MLC1: variants seen among roughly 807,000 people sequenced by gnomAD.
The protein encoded by MLC1 is modulator of VRAC current 1.
Under a neutral mutation model 44.7 loss-of-function variants are expected in MLC1, and 32 were observed. That is an observed-to-expected ratio of 0.72 (90% CI 0.54 to 0.96). The LOEUF (loss-of-function observed/expected upper bound fraction) is 0.96, where lower values mean the gene tolerates loss of function less well. Among genes scored for constraint, MLC1 ranks in the 40% least tolerant of loss-of-function variants. MLC1 has a pLI of 0.00. For synonymous variants in MLC1, 190 were observed against 213.0 expected (o/e 0.89, Z 0.94); for missense variants, 459 against 492.2 (o/e 0.93, Z 0.64).
intron 3 of MLC1, among the ~76,000 whole-genome samples, chr22:50,080,778 G>T: frequency 6.6e-6 from 1 of 151,992 alleles, no homozygotes; most frequent in East Asian, 1.9e-4. Flanking sequence ...GTTAATGAAG[G>T]CTCTTCTAGC....
chr22:50,080,035 G>T lies in MLC1; in HGVS notation c.322-16C>A. Reference sequence around the variant, plus strand: ...AGTTGGGAATCTGAAAAACAAGGCAGGAGGGGTTTTCCTTCTTTGAATAAT... The same window carrying T: ...AGTTGGGAATCTGAAAAACAAGGCATGAGGGGTTTTCCTTCTTTGAATAAT... On this transcript the variant is annotated splice_polypyrimidine_tract_variant and intron_variant, in intron 4 of 11. Coordinates refer to ENST00000311597, the MANE Select transcript of MLC1 (RefSeq NM_015166.4). The T allele has an allele frequency of 6.3e-7, 1 of 1,584,466 alleles. No homozygotes were observed. The highest frequency in any genetic ancestry group is 8.7e-7 in the Non-Finnish European group (1 of 1,152,970).
At chr22:50,067,615 C>A (rs575620872) in intron 10 of MLC1, among the ~76,000 whole-genome samples, 5 of 81,942 alleles carry the variant, frequency 6.1e-5, no homozygotes, top group Non-Finnish European at 1.2e-4. Context: ...TGACTCCATC[C>A]CCCATCAGTG....
At chr22:50,080,049 T>C (rs755431135) in intron 4 of MLC1, 30 bp from the exon 5 acceptor site, 2 of 1,526,134 alleles carry the variant, frequency 1.3e-6, no homozygotes, top group Admixed American at 1.7e-5. Context: ...GGGTTTTCCT[T>C]CTTTGAATAA....
chr22:50,082,113 G>C (rs1456992623), intron 3 of MLC1, among the ~76,000 whole-genome samples: 2 of 152,262 alleles, frequency 1.3e-5, no homozygotes, highest in Non-Finnish European at 2.9e-5. Flanking sequence ...GACCCAGCAG[G>C]CATGTGGAAG....
At chr22:50,068,763 T>C (rs1191260605) in intron 9 of MLC1, among the ~76,000 whole-genome samples, 2 of 147,022 alleles carry the variant, frequency 1.4e-5, no homozygotes, top group East Asian at 3.9e-4. Context: ...AGTCTCGCTG[T>C]GTCGCCAGGC....
chr22:50,064,755 G>A (rs1312055090), intron 10 of MLC1, among the ~76,000 whole-genome samples: 1 of 152,174 alleles, frequency 6.6e-6, no homozygotes, highest in Non-Finnish European at 1.5e-5. Flanking sequence ...CAGGGGGCCA[G>A]AGAGTGACCA....
chr22:50,082,029 G>C (rs2062154930), intron 3 of MLC1, among the ~76,000 whole-genome samples: 1 of 152,268 alleles, frequency 6.6e-6, no homozygotes, highest in South Asian at 2.1e-4. Context: ...CATCCACTTT[G>C]TTTTTAAGAC....
In MLC1 at chr22:50,083,301, C is replaced by A; in HGVS notation, c.178-128G>T. ...CCACGTCCCCCAGCATCAACCACAC[C>A]CGCACCTGGGACCCGCCCATCCTGG... On this transcript the variant is annotated intron_variant, in intron 2 of 11. Coordinates refer to ENST00000311597, the MANE Select transcript of MLC1 (RefSeq NM_015166.4). This position sits in a 1 kb window ranked among gnomAD's most constrained non-coding sequence, Gnocchi z 4.6. 2 of 838,786 alleles carry A rather than the reference C, an allele frequency of 2.4e-6. 1 individual carries two copies. Among genetic ancestry groups the A allele is most frequent in the South Asian group, 2.9e-5 (2 of 70,118 alleles). The allele number at this position is 838,786 out of a possible 1,614,324, so 52.0% of individuals were successfully genotyped here.
In MLC1 at chr22:50,083,901, C is replaced by T. The variant is rs1380456457; in HGVS notation, c.178-728G>A. On this transcript the variant is annotated intron_variant, in intron 2 of 11. Transcript: ENST00000311597. The surrounding 1 kb of genome is among the most constrained non-coding windows in gnomAD (Gnocchi z 4.6). ...GGGCACCAGGTGGAGGAGGGCAGAGCCCGGAGATGGCCACCACCACCCGGG... is the reference window on the plus strand; with the variant it reads ...GGGCACCAGGTGGAGGAGGGCAGAGTCCGGAGATGGCCACCACCACCCGGG... Among the ~76,000 whole-genome samples, 1 of 152,008 alleles carries T rather than the reference C, an allele frequency of 6.6e-6. No individual in the cohort carries two copies. The highest frequency in any genetic ancestry group is 6.6e-5 in the Admixed American group (1 of 15,266).
chr22:50,061,481 G>C lies in MLC1; in HGVS notation c.*102C>G. On this transcript the variant is annotated 3_prime_UTR_variant, in exon 12 of 12. Transcript: ENST00000311597. ...CAGCCTGGTTTGCCCTCACACAAGG[G>C]AAAAGAGGTGTTAGAAGCAGTAGCT... 7.8e-7 allele frequency: 1 copy of C among 1,284,628 alleles called. No individual in the cohort carries two copies. Among genetic ancestry groups the C allele is most frequent in the Non-Finnish European group, 1.1e-6 (1 of 890,960 alleles). The allele number at this position is 1,284,628 out of a possible 1,614,324, so 79.6% of individuals were successfully genotyped here.
rs2146880410 is a variant in MLC1 at position 50,076,889 on chromosome 22, G to A, written c.549C>T (p.Asn183=). The change falls in exon 7 of 12, where the codon AAC becomes AAT. Residue 183 remains asparagine (N), a synonymous_variant. Transcript: ENST00000311597. The part of the protein sequence containing the change: ...KKKGSMSDSA[N]ILDEVPFPAR... ...CAGGAAATGGCACTTCGTCCAGAAT[G>A]TTGGCGCTGTCAGACATGGAGCCCT... 1 of 1,613,976 alleles carries A rather than the reference G, an allele frequency of 6.2e-7. No homozygotes were observed. The highest frequency in any genetic ancestry group is 2.2e-5 in the East Asian group (1 of 44,880).
intron 6 of MLC1, 138 bp downstream of exon 6, chr22:50,077,263 C>T: frequency 1.2e-6 from 1 of 832,476 alleles, no homozygotes; most frequent in Non-Finnish European, 2.0e-6. Context: ...TTTCTGAGAC[C>T]CAGGAGAGAG....
rs1237561421 is a variant in MLC1, at chr22:50,080,280, G to A, written c.321+64C>T. On this transcript the variant is annotated intron_variant, in intron 4 of 11. Transcript: ENST00000311597. ...TGGGCACACACACAAGCACACATGG[G>A]CACACTGTCTGTCAGCCCCTCCGGC... 5.9e-6 allele frequency: 9 copies of A among 1,532,334 alleles called. 1 individual carries two copies. Among genetic ancestry groups the A allele is most frequent in the South Asian group, 3.5e-5 (3 of 84,700 alleles). The allele number at this position is 1,532,334 out of a possible 1,614,324, so 94.9% of individuals were successfully genotyped here.
At chr22:50,070,453 C>A (rs2061823931) in intron 9 of MLC1, 74 bp downstream of exon 9, 4 of 1,393,102 alleles carry the variant, frequency 2.9e-6, no homozygotes, top group Non-Finnish European at 3.0e-6. Flanking sequence ...TCACATGGCA[C>A]CAAGGGAGGG....
At chr22:50,066,950 A>G (rs2061714723) in intron 10 of MLC1, among the ~76,000 whole-genome samples, 1 of 152,184 alleles carries the variant, frequency 6.6e-6, no homozygotes, top group South Asian at 2.1e-4. Flanking sequence ...ATAACCCCAC[A>G]CAGAAAGGGG....
Position 50,061,278 on chromosome 22 carries a change from G to T in MLC1, c.*305C>A. Reference sequence around the variant, plus strand: ...GAAGAGGAGCTGGGGCCAGTTCAGGGGTGGGGCTCTCAAGAGGCCGAGCCG... The same window carrying T: ...GAAGAGGAGCTGGGGCCAGTTCAGGTGTGGGGCTCTCAAGAGGCCGAGCCG... On this transcript the variant is annotated 3_prime_UTR_variant, in exon 12 of 12. Transcript: ENST00000311597. 2.1e-6 allele frequency: 1 copy of T among 466,174 alleles called. No homozygotes were observed. 28.9% of individuals were successfully genotyped at this position (466,174 alleles called of 1,614,324 possible).
intron 11 of MLC1, 144 bp downstream of exon 11, chr22:50,063,888 GGC>G: frequency 1.3e-6 from 1 of 771,610 alleles, no homozygotes; most frequent in Non-Finnish European, 1.8e-6. Context: ...TCCCCCTGCA[GGC>G]CACTCACCTC....
At chr22:50,067,569 C>A (rs111824180) in intron 10 of MLC1, among the ~76,000 whole-genome samples, 123 of 92,472 alleles carry the variant, frequency 1.3e-3, no homozygotes, top group Non-Finnish European at 2.1e-3. Context: ...GACTCCATCC[C>A]CCCGTCAGGC....
At chr22:50,070,410 C>A in intron 9 of MLC1, 117 bp downstream of exon 9, 1 of 1,025,798 alleles carries the variant, frequency 9.7e-7, no homozygotes, top group Non-Finnish European at 1.5e-6. Flanking sequence ...GCCCTGCAGC[C>A]CAGTCACTGC....
Sources: gnomAD v4.1 joint callset for allele counts (sites outside exome capture counted in the v4.1 genomes callset) on GRCh38, gnomAD v4.1.1 for gene constraint, Gnocchi (gnomAD v3.1) non-coding constraint, MANE v1.5 for transcripts, NCBI Gene and HGNC (gene_info 2026-07-23, HGNC 2026-07-21) for gene names.